FGGY: variants seen among roughly 807,000 people sequenced by gnomAD.
The protein encoded by FGGY is FGGY carbohydrate kinase domain containing.
FGGY carries 72 observed loss-of-function variants against 71.3 expected under a neutral mutation model. The observed-to-expected ratio is 1.01, with a 90% confidence interval of 0.84 to 1.23. FGGY has a LOEUF of 1.23. Among genes scored for constraint, FGGY ranks in the 50% most tolerant of loss-of-function variants. The probability of loss-of-function intolerance (pLI) is 0.00; values close to 1 mark genes in which losing one functional copy is unlikely to be tolerated. For missense variants in FGGY, 668 were observed against 682.3 expected (o/e 0.98, Z 0.23); for synonymous variants, 251 against 250.3 (o/e 1.00, Z -0.02).
intron 5 of FGGY, among the ~76,000 whole-genome samples, chr1:59,423,120 A>G (rs2065744340): frequency 6.6e-6 from 1 of 152,158 alleles, no homozygotes; most frequent in Non-Finnish European, 1.5e-5. Context: ...AGGAAACTGG[A>G]CCAATTGGGC....
intron 5 of FGGY, among the ~76,000 whole-genome samples, chr1:59,421,538 C>T (rs1280287051): frequency 6.7e-6 from 1 of 150,050 alleles, no homozygotes; most frequent in Non-Finnish European, 1.5e-5. Flanking sequence ...TCCCTCACTC[C>T]CTTTTCTTCT....
intron 14 of FGGY, among the ~76,000 whole-genome samples, chr1:59,678,524 C>A (rs2097458843): frequency 6.6e-6 from 1 of 152,118 alleles, no homozygotes; most frequent in Non-Finnish European, 1.5e-5. Context: ...CTAAGAAATA[C>A]AAGGACAAAT....
At chr1:59,690,937 G>T (rs1270151797) in intron 14 of FGGY, among the ~76,000 whole-genome samples, 1 of 152,228 alleles carries the variant, frequency 6.6e-6, no homozygotes, top group Non-Finnish European at 1.5e-5. Flanking sequence ...TGACTCCCCA[G>T]TCATTAGAGT....
chr1:59,545,471 T>C (rs936326383), intron 7 of FGGY, among the ~76,000 whole-genome samples: 23 of 152,350 alleles, frequency 1.5e-4, no homozygotes, highest in Admixed American at 1.2e-3. Context: ...TGAGAAATTG[T>C]CTTTTCTGAA....
At chr1:59,366,243 A>C (rs11584407) in intron 4 of FGGY, among the ~76,000 whole-genome samples, 32,823 of 152,174 alleles carry the variant, frequency 0.22, 3,770 homozygotes, top group East Asian at 0.34. Context: ...TAAATAAACT[A>C]TACAGTGGAA....
intron 8 of FGGY, among the ~76,000 whole-genome samples, chr1:59,582,785 A>G (rs938154720): frequency 2.0e-5 from 3 of 150,166 alleles, no homozygotes; most frequent in Admixed American, 6.6e-5. Flanking sequence ...ATTCATTTCT[A>G]TATCACCACG....
chr1:59,592,059 T>C (rs1012791135), intron 8 of FGGY, among the ~76,000 whole-genome samples: 23 of 152,032 alleles, frequency 1.5e-4, no homozygotes, highest in African/African-American at 4.1e-4. Context: ...GGGCTAATAT[T>C]CAGAATCTAC....
At chr1:59,336,499 T>A (rs902304714) in intron 2 of FGGY, among the ~76,000 whole-genome samples, 2 of 151,160 alleles carry the variant, frequency 1.3e-5, no homozygotes, top group South Asian at 4.2e-4. Context: ...TTTTTCACTT[T>A]AAGTTTTGGG....
chr1:59,467,515 A>T (rs1260237704), intron 6 of FGGY, among the ~76,000 whole-genome samples: 2 of 151,872 alleles, frequency 1.3e-5, no homozygotes, highest in Admixed American at 1.3e-4. Flanking sequence ...AAACATACAA[A>T]CCTATTATAC....
chr1:59,464,891 C>T (rs115967314), intron 6 of FGGY, among the ~76,000 whole-genome samples: 2,632 of 152,164 alleles, frequency 0.017, 31 homozygotes, highest in Non-Finnish European at 0.027. Context: ...AGCCTACCAA[C>T]CAAAAAAAAG....
intron 8 of FGGY, among the ~76,000 whole-genome samples, chr1:59,562,017 T>C (rs777736673): frequency 6.6e-6 from 1 of 152,222 alleles, no homozygotes; most frequent in Admixed American, 6.5e-5. Context: ...TGGCTGAAGA[T>C]GTGAGGAACT....
chr1:59,304,730 C>T (rs1396756657), intron 1 of FGGY, among the ~76,000 whole-genome samples: 1 of 151,750 alleles, frequency 6.6e-6, no homozygotes, highest in Non-Finnish European at 1.5e-5. Flanking sequence ...TTTGTGTCTT[C>T]TTCAGTTTCT....
intron 2 of FGGY, among the ~76,000 whole-genome samples, chr1:59,330,986 C>T (rs1049080043): frequency 6.6e-6 from 1 of 151,020 alleles, no homozygotes; most frequent in Non-Finnish European, 1.5e-5. Context: ...TTTTTTTAAA[C>T]TATAAACTTT....
At chr1:59,721,333 C>CTTTTTTTTTTTTTTTTTT (rs1193468922) in intron 14 of FGGY, among the ~76,000 whole-genome samples, 1 of 68,588 alleles carries the variant, frequency 1.5e-5, no homozygotes, top group East Asian at 5.3e-4. Context: ...CTTTTCTTTC[C>CTTTTTTTTTTTTTTTTTT]TTTGTTTTTT....
At chr1:59,570,716 GTCAGAGTTTACT>G (rs534328474) in intron 8 of FGGY, among the ~76,000 whole-genome samples, 120 of 152,292 alleles carry the variant, frequency 7.9e-4, no homozygotes, top group African/African-American at 2.6e-3. Context: ...TAAATAGGAA[GTCAGAGTTTACT>G]TCCGAACCCA....
At chr1:59,542,909 G>T (rs1289511065) in intron 7 of FGGY, among the ~76,000 whole-genome samples, 1 of 152,098 alleles carries the variant, frequency 6.6e-6, no homozygotes, top group African/African-American at 2.4e-5. Context: ...ATTCCCTAAG[G>T]CACCTAGGAT....
chr1:59,507,684 A>ATTTTTTTTTTTTTTTTTTTTT (rs561953004), intron 6 of FGGY, among the ~76,000 whole-genome samples: 21 of 106,902 alleles, frequency 2.0e-4, no homozygotes, highest in African/African-American at 7.3e-4. Flanking sequence ...TGCTTGGCTA[A>ATTTTTTTTTTTTTTTTTTTTT]TTTTTTTTTT....
At chr1:59,308,016 G>A (rs2043707841) in intron 1 of FGGY, among the ~76,000 whole-genome samples, 2 of 152,178 alleles carry the variant, frequency 1.3e-5, no homozygotes, top group Non-Finnish European at 2.9e-5. Context: ...GAGGGAAAAG[G>A]AAGACTTCCT....
At chr1:59,433,888 A>C (rs1004912836) in intron 5 of FGGY, among the ~76,000 whole-genome samples, 5 of 152,218 alleles carry the variant, frequency 3.3e-5, no homozygotes, top group Non-Finnish European at 7.3e-5. Flanking sequence ...TTTATGGCTT[A>C]TTACACAAAT....
Sources: gnomAD v4.1 joint callset for allele counts (sites outside exome capture counted in the v4.1 genomes callset) on GRCh38, gnomAD v4.1.1 for gene constraint, MANE v1.5 for transcripts, NCBI Gene and HGNC (gene_info 2026-07-23, HGNC 2026-07-21) for gene names.